Variants in GPC4 observed in about 807,000 individuals in gnomAD.
GPC4 encodes the protein glypican 4.
In GPC4, 10 loss-of-function variants were observed where a neutral mutation model predicts 35.0. The observed-to-expected ratio is 0.29, with a 90% CI of 0.18 to 0.48. The LOEUF (loss-of-function observed/expected upper bound fraction) is 0.48, where lower values mean the gene tolerates loss of function less well. GPC4 is among the 20% of genes least tolerant of loss of function. The probability of loss-of-function intolerance (pLI) is 0.99; values close to 1 mark genes in which losing one functional copy is unlikely to be tolerated. For missense variants in GPC4, 322 were observed against 451.3 expected (o/e 0.71, Z 2.60); for synonymous variants, 167 against 170.2 (o/e 0.98, Z 0.15).
At chrX:133,355,594 T>C (rs1251022868) in intron 1 of GPC4, among the ~76,000 whole-genome samples, 1 of 112,037 alleles carries the variant, frequency 8.9e-6, no homozygotes, top group Non-Finnish European at 1.9e-5. Context: ...CAAACTTCTT[T>C]TTATTCCACC....
intron 3 of GPC4, among the ~76,000 whole-genome samples, chrX:133,319,443 CAA>C (rs369290840): frequency 5.3e-4 from 9 of 16,887 alleles, no homozygotes; most frequent in African/African-American, 1.5e-3. Context: ...GACCCTATGT[CAA>C]AAAAAAAAAA....
chrX:133,375,403 A>G (rs1041791820), intron 1 of GPC4, among the ~76,000 whole-genome samples: 4 of 112,206 alleles, frequency 3.6e-5, no homozygotes, highest in African/African-American at 9.7e-5. Context: ...ATCTACTGTA[A>G]TACAATCAGA....
At chrX:133,396,361 G>T (rs917519547) in intron 1 of GPC4, among the ~76,000 whole-genome samples, 1 of 111,471 alleles carries the variant, frequency 9.0e-6, no homozygotes, top group African/African-American at 3.3e-5. Context: ...ATTTATATTT[G>T]GCAAAATGTA....
chrX:133,363,687 T>C (rs1370835806), intron 1 of GPC4, among the ~76,000 whole-genome samples: 2 of 111,277 alleles, frequency 1.8e-5, no homozygotes, highest in African/African-American at 3.3e-5. Context: ...TTAATTCACA[T>C]ATTGTACAAT....
intron 1 of GPC4, among the ~76,000 whole-genome samples, chrX:133,396,589 T>A (rs1356740240): frequency 8.9e-6 from 1 of 111,999 alleles, no homozygotes; most frequent in Non-Finnish European, 1.9e-5. Context: ...AATATGAGGA[T>A]AAAACAGCTG....
At chrX:133,390,856 A>G (rs1396125829) in intron 1 of GPC4, among the ~76,000 whole-genome samples, 1 of 111,418 alleles carries the variant, frequency 9.0e-6, no homozygotes, top group Non-Finnish European at 1.9e-5. Context: ...CTGAATGCCC[A>G]TCCCCCAGCT....
rs1230173041 is a variant in GPC4, at chrX:133,412,538, T to G, written c.160+2268A>C. On this transcript the variant is annotated intron_variant, in intron 1 of 8. Coordinates refer to ENST00000370828, the MANE Select transcript of GPC4 (RefSeq NM_001448.3). ...TGTTCCTCAGGAGAATGCAGTCCAG[T>G]AGGTCATTCAAAAGGGGAAATAAAA... Among the ~76,000 whole-genome samples the G allele has an allele frequency of 2.7e-5, 3 of 111,651 alleles. No individual in the cohort carries two copies. In the East Asian group the frequency reaches 8.4e-4, roughly 31 times the overall value.
chrX:133,316,440 C>G (rs1439763273), intron 3 of GPC4, among the ~76,000 whole-genome samples: 1 of 111,265 alleles, frequency 9.0e-6, no homozygotes, highest in Non-Finnish European at 1.9e-5. Context: ...CTATAGGAAC[C>G]TTGATGGCAG....
At position 133,337,247 on chromosome X, in the gene GPC4, A is replaced by T. The variant is rs762484182; in HGVS notation, c.319+1936T>A. 2.5e-4 allele frequency among the ~76,000 whole-genome samples: 28 copies of T among 112,580 alleles called. No homozygotes were observed. The South Asian group carries it at 2.9e-3, about 12-fold the overall frequency. On this transcript the variant is annotated intron_variant, in intron 2 of 8. Coordinates refer to ENST00000370828, the MANE Select transcript of GPC4 (RefSeq NM_001448.3). Reference sequence around the variant, plus strand: ...AAGCCTGGTAGGGAAGAGCAAGAAAAACTTTCTATCCTTTTTAAAAAACAC... The same window carrying T: ...AAGCCTGGTAGGGAAGAGCAAGAAATACTTTCTATCCTTTTTAAAAAACAC...
At chrX:133,391,403 T>C (rs959589093) in intron 1 of GPC4, among the ~76,000 whole-genome samples, 19 of 112,191 alleles carry the variant, frequency 1.7e-4, no homozygotes, top group Non-Finnish European at 2.3e-4. Context: ...AAGAGGCCAC[T>C]TGTAAACCAG....
rs2068698051 is a variant in GPC4 at position 133,387,638 on chromosome X, G to C, written c.160+27168C>G. 4.5e-5 allele frequency among the ~76,000 whole-genome samples: 5 copies of C among 111,685 alleles called. No individual in the cohort carries two copies. In the South Asian group the frequency reaches 1.9e-3, roughly 42 times the overall value. Reference sequence around the variant, plus strand: ...GAAAGGTTTAGGAATAATTATATAGGACTTAAAGGACAGGCAATGCCAGAT... The same window carrying C: ...GAAAGGTTTAGGAATAATTATATAGCACTTAAAGGACAGGCAATGCCAGAT... On this transcript the variant is annotated intron_variant, in intron 1 of 8. Transcript: ENST00000370828.
intron 2 of GPC4, among the ~76,000 whole-genome samples, chrX:133,330,286 C>G (rs967948901): frequency 4.5e-5 from 5 of 111,058 alleles, no homozygotes; most frequent in Non-Finnish European, 7.5e-5. Flanking sequence ...AAAAAAGAAG[C>G]CTCCTTGTAA....
chrX:133,317,001 T>C (rs1446147612), intron 3 of GPC4, among the ~76,000 whole-genome samples: 6 of 112,071 alleles, frequency 5.4e-5, no homozygotes, highest in Non-Finnish European at 1.1e-4. Context: ...AAGAATTAGG[T>C]TTGCTTCATT....
chrX:133,334,765 TC>T (rs2068434696), intron 2 of GPC4, among the ~76,000 whole-genome samples: 1 of 111,503 alleles, frequency 9.0e-6, no homozygotes, highest in Non-Finnish European at 1.9e-5. Flanking sequence ...TTAAATTTGC[TC>T]TGAAAATGAC....
intron 1 of GPC4, among the ~76,000 whole-genome samples, chrX:133,372,269 T>C (rs888357090): frequency 9.2e-6 from 1 of 108,685 alleles, no homozygotes; most frequent in Non-Finnish European, 1.9e-5. Flanking sequence ...GAAACCCCAT[T>C]TTTTCTTTTA....
intron 1 of GPC4, among the ~76,000 whole-genome samples, chrX:133,352,903 A>C (rs2068522951): frequency 8.9e-6 from 1 of 112,009 alleles, no homozygotes; most frequent in East Asian, 2.8e-4. Context: ...TAAGTACCAC[A>C]GGGAAGGAAA....
At chrX:133,306,609 A>C (rs1204670050) in intron 4 of GPC4, among the ~76,000 whole-genome samples, 1 of 112,121 alleles carries the variant, frequency 8.9e-6, no homozygotes, top group Non-Finnish European at 1.9e-5. Context: ...CTGGCATATT[A>C]ATTCTTTTCT....
chrX:133,382,061 C>G (rs1263752376), intron 1 of GPC4, among the ~76,000 whole-genome samples: 1 of 111,837 alleles, frequency 8.9e-6, no homozygotes, highest in African/African-American at 3.3e-5. Context: ...CCAAAATGTC[C>G]AGCTAACCAA....
At chrX:133,319,100 T>A (rs1175517872) in intron 3 of GPC4, among the ~76,000 whole-genome samples, 1 of 111,449 alleles carries the variant, frequency 9.0e-6, no homozygotes, top group African/African-American at 3.3e-5. Context: ...AGTGGGAACA[T>A]CTCTAAGTAT....
Sources: allele counts gnomAD v4.1 joint callset (sites outside exome capture counted in the v4.1 genomes callset), GRCh38; gene constraint gnomAD v4.1.1; transcripts MANE v1.5; gene names NCBI Gene and HGNC (gene_info 2026-07-23, HGNC 2026-07-21).